PLB1: variants seen among roughly 807,000 people sequenced by gnomAD.
PLB1 encodes the protein phospholipase B1.
A neutral mutation model predicts 227.4 loss-of-function variants in PLB1; 242 were observed. That is an observed-to-expected ratio of 1.06 (90% CI 0.96 to 1.18). The LOEUF (loss-of-function observed/expected upper bound fraction) is 1.18. PLB1 is among the 50% of genes most tolerant of loss of function. The pLI, the probability that PLB1 is intolerant of heterozygous loss-of-function variation, is 0.00. For synonymous variants in PLB1, 757 were observed against 682.2 expected (o/e 1.11, Z -1.71); for missense variants, 1,858 against 1,816.3 (o/e 1.02, Z -0.42).
chr2:28,623,173 G>A (rs1470930334), intron 49 of PLB1, among the ~76,000 whole-genome samples: 1 of 152,196 alleles, frequency 6.6e-6, no homozygotes, highest in African/African-American at 2.4e-5. Flanking sequence ...GATGGGAAAA[G>A]TCAATCCTAG....
chr2:28,616,839 A>G (rs1449629680), intron 44 of PLB1, among the ~76,000 whole-genome samples: 4 of 152,238 alleles, frequency 2.6e-5, no homozygotes, highest in East Asian at 1.9e-4. Context: ...TTGCTCTCTC[A>G]TGATAGGAAT....
At chr2:28,591,885 C>A in intron 31 of PLB1, 125 bp downstream of exon 31, 2 of 973,356 alleles carry the variant, frequency 2.1e-6, no homozygotes, top group Non-Finnish European at 1.6e-6. Context: ...TGCTGTCTGC[C>A]TGGGTGGTCA....
intron 46 of PLB1, 91 bp from the exon 47 acceptor site, chr2:28,620,174 A>G (rs959985763): frequency 2.5e-6 from 2 of 811,014 alleles, no homozygotes; most frequent in Non-Finnish European, 3.8e-6. Context: ...AGGCAAATCC[A>G]GGTCCTAGCT....
rs773602742 is a variant in PLB1 at position 28,589,511 on chromosome 2, T to C, written c.1877T>C (p.Val626Ala). ...RYDTREDFTV[V>A]VQPFFENVDM... is the part of the protein sequence containing the mutation. ...GACACAAGGGAAGATTTTACTGTGG[T>C]TGTGCAGCCGTTCTTTGAAAACGTG... The change falls in exon 27 of 58, where the codon GTT (valine) becomes GCT (alanine). Residue 626 changes from valine to alanine, a missense_variant. Coordinates refer to ENST00000327757, the MANE Select transcript of PLB1 (RefSeq NM_153021.5). 2 of 1,614,206 alleles carry C rather than the reference T, an allele frequency of 1.2e-6. No individual in the cohort carries two copies. Among genetic ancestry groups the C allele is most frequent in the Non-Finnish European group, 1.7e-6 (2 of 1,180,048 alleles).
chr2:28,632,755 CA>C (rs200230828), intron 55 of PLB1, among the ~76,000 whole-genome samples, 188 bp from the exon 56 acceptor site: 6 of 147,264 alleles, frequency 4.1e-5, no homozygotes, highest in Admixed American at 4.0e-4. Flanking sequence ...AACTCCGTCT[CA>C]AAAAAAAAGA....
chr2:28,543,944 G>A (rs751450639), intron 14 of PLB1, among the ~76,000 whole-genome samples: 11 of 152,344 alleles, frequency 7.2e-5, no homozygotes, highest in Non-Finnish European at 1.5e-4. Context: ...TCGACGTCGA[G>A]GCTTTGAACC....
chr2:28,579,252 TTCTGG>T (rs1463798862), intron 22 of PLB1, among the ~76,000 whole-genome samples: 13 of 152,336 alleles, frequency 8.5e-5, no homozygotes, highest in Non-Finnish European at 1.6e-4. Flanking sequence ...TTCTAGAAGA[TTCTGG>T]AACAAACATT....
chr2:28,536,193 C>A (rs562000329), intron 9 of PLB1, among the ~76,000 whole-genome samples: 1 of 152,306 alleles, frequency 6.6e-6, no homozygotes, highest in East Asian at 1.9e-4. Context: ...GGGCCTGTGT[C>A]CACAGTTGTT....
intron 26 of PLB1, among the ~76,000 whole-genome samples, chr2:28,586,796 G>A (rs562121821): frequency 6.6e-6 from 1 of 152,252 alleles, no homozygotes; most frequent in East Asian, 1.9e-4. Flanking sequence ...CATCCAGGCT[G>A]GAGTGCAGTG....
At chr2:28,555,516 G>T (rs1674936284) in intron 17 of PLB1, among the ~76,000 whole-genome samples, 1 of 152,150 alleles carries the variant, frequency 6.6e-6, no homozygotes. Context: ...CAGCACAGGT[G>T]CATATTATTA....
intron 14 of PLB1, among the ~76,000 whole-genome samples, chr2:28,544,267 G>A (rs1019172562): frequency 1.3e-5 from 2 of 152,188 alleles, no homozygotes; most frequent in East Asian, 1.9e-4. Context: ...TGGCACTTGC[G>A]GGGACTATGT....
intron 33 of PLB1, among the ~76,000 whole-genome samples, chr2:28,597,207 T>C (rs1683096282): frequency 1.4e-5 from 2 of 145,632 alleles, no homozygotes; most frequent in African/African-American, 5.2e-5. Flanking sequence ...GAGCTTGCAT[T>C]GAGTGGAGAT....
chr2:28,518,130 C>T (rs764362423), intron 2 of PLB1, among the ~76,000 whole-genome samples: 6 of 152,192 alleles, frequency 3.9e-5, no homozygotes, highest in African/African-American at 9.7e-5. Flanking sequence ...GATCCTCCTA[C>T]GTCAGCCTGC....
intron 56 of PLB1, among the ~76,000 whole-genome samples, chr2:28,637,016 G>A (rs748174224): frequency 4.6e-5 from 7 of 152,092 alleles, no homozygotes; most frequent in Admixed American, 1.3e-4. Flanking sequence ...ACTTGAGGCC[G>A]GGTACAGTGG....
intron 56 of PLB1, among the ~76,000 whole-genome samples, chr2:28,635,689 C>T (rs1307756820): frequency 1.3e-5 from 2 of 150,920 alleles, no homozygotes; most frequent in East Asian, 1.9e-4. Flanking sequence ...ACGTCCTTCT[C>T]GAGACTTTTG....
At chr2:28,625,002 G>A (rs112825987) in intron 49 of PLB1, 55 bp from the exon 50 acceptor site, 24 of 1,539,540 alleles carry the variant, frequency 1.6e-5, no homozygotes, top group African/African-American at 6.8e-5. Flanking sequence ...ATCCCATGTC[G>A]TGAGTCCTCG....
At chr2:28,600,267 T>TC (rs887749086) in intron 35 of PLB1, among the ~76,000 whole-genome samples, 2 of 151,932 alleles carry the variant, frequency 1.3e-5, no homozygotes, top group African/African-American at 4.8e-5. Flanking sequence ...CCTACCTCTT[T>TC]TTGAAAGAAC....
At chr2:28,540,710 G>A (rs1366744526) in intron 12 of PLB1, among the ~76,000 whole-genome samples, 1 of 152,156 alleles carries the variant, frequency 6.6e-6, no homozygotes, top group East Asian at 1.9e-4. Flanking sequence ...AGATAGTGAG[G>A]AACTTCGAAG....
Position 28,566,785 on chromosome 2 carries a change from C to T in PLB1, c.1281-11C>T. The T allele has an allele frequency of 2.5e-6, 4 of 1,614,008 alleles. No individual in the cohort carries two copies. The highest frequency in any genetic ancestry group is 2.2e-5 in the East Asian group (1 of 44,864). ...TAACCCTTCATTTTCTTTCTTGGACCCACGTTACAGCGTCGGCGGAGATGA... is the reference window on the plus strand; with the variant it reads ...TAACCCTTCATTTTCTTTCTTGGACTCACGTTACAGCGTCGGCGGAGATGA... On this transcript the variant is annotated splice_polypyrimidine_tract_variant and intron_variant, in intron 19 of 57. Coordinates refer to ENST00000327757, the MANE Select transcript of PLB1 (RefSeq NM_153021.5).
Sources: gnomAD v4.1 joint callset for allele counts (sites outside exome capture counted in the v4.1 genomes callset) on GRCh38, gnomAD v4.1.1 for gene constraint, MANE v1.5 for transcripts, NCBI Gene and HGNC (gene_info 2026-07-23, HGNC 2026-07-21) for gene names.